Variants in CACNA1H observed in about 807,000 individuals in gnomAD.
The protein encoded by CACNA1H is voltage-dependent T-type calcium channel subunit alpha-1H.
A neutral mutation model predicts 192.5 loss-of-function variants in CACNA1H; 149 were observed. That is an observed-to-expected ratio of 0.77 (90% CI 0.68 to 0.89). CACNA1H has a LOEUF of 0.89. Among genes scored for constraint, CACNA1H ranks in the 40% least tolerant of loss-of-function variants. The probability of loss-of-function intolerance (pLI) is 0.00; values close to 1 mark genes in which losing one functional copy is unlikely to be tolerated. For synonymous variants in CACNA1H, 2,202 were observed against 1,475.2 expected, an observed-to-expected ratio of 1.49 and a Z score of -11.29; for missense variants, 4,257 against 3,423.5, an observed-to-expected ratio of 1.24 and a Z score of -6.08.
rs1163122575 is a variant in CACNA1H at position 1,202,418 on chromosome 16, C to T, written c.1968C>T (p.Pro656=). The T allele has an allele frequency of 4.6e-6, 7 of 1,516,986 alleles. No homozygotes were observed. The highest frequency in any genetic ancestry group is 1.2e-5 in the South Asian group (1 of 80,292). 94.0% of individuals were successfully genotyped at this position (1,516,986 alleles called of 1,614,324 possible). The change falls in exon 9 of 35, where the codon CCC becomes CCT. Residue 656 remains proline, a synonymous_variant. Coordinates refer to ENST00000348261, the MANE Select transcript of CACNA1H (RefSeq NM_021098.3). The stretch of plus-strand genomic sequence containing the variant: ...CGTTGAGCTTGAACAGCCCTGATCC[C>T]TACGAGAAGATCCCGCATGTGGTCG... ...HGPLSLNSPD[P]YEKIPHVVGE...
At chr16:1,155,308 C>A (rs1414606428) in intron 2 of CACNA1H, among the ~76,000 whole-genome samples, 4 of 152,198 alleles carry the variant, frequency 2.6e-5, no homozygotes, top group African/African-American at 9.6e-5. Context: ...CCTCTGTAGC[C>A]TCAGGGTGGT....
Position 1,221,111 on chromosome 16 carries a change from G to A in CACNA1H, c.*117G>A. 1.3e-6 allele frequency: 1 copy of A among 777,656 alleles called. No individual in the cohort carries two copies. Among genetic ancestry groups the A allele is most frequent in the Non-Finnish European group, 2.0e-6 (1 of 501,814 alleles). The allele number at this position is 777,656 out of a possible 1,614,324, so 48.2% of individuals were successfully genotyped here. On this transcript the variant is annotated 3_prime_UTR_variant, in exon 35 of 35. Transcript: ENST00000348261. ...CTTGGGTCCCGTCGTGAGCAGAAAG[G>A]CCCGGGGAGGATGACGGCCCAGGCC...
At position 1,221,578 on chromosome 16, in the gene CACNA1H, C is replaced by T. The variant is rs1970482755; in HGVS notation, c.*584C>T. 4 of 572,958 alleles carry T rather than the reference C, an allele frequency of 7.0e-6. No individual in the cohort carries two copies. Among genetic ancestry groups the T allele is most frequent in the African/African-American group, 3.8e-5 (2 of 52,786 alleles). The allele number at this position is 572,958 out of a possible 1,614,324, so 35.5% of individuals were successfully genotyped here. Reference sequence around the variant, plus strand: ...CTAAGGGGCCGACCCCATGGAGTAACGCGCCCGGCCCCGATGCGAATCAGG... The same window carrying T: ...CTAAGGGGCCGACCCCATGGAGTAATGCGCCCGGCCCCGATGCGAATCAGG... On this transcript the variant is annotated 3_prime_UTR_variant, in exon 35 of 35. Transcript: ENST00000348261.
In CACNA1H at chr16:1,219,894, C is replaced by T. The variant is rs187518736; in HGVS notation, c.6049-87C>T. On this transcript the variant is annotated intron_variant, in intron 34 of 34. Coordinates refer to ENST00000348261, the MANE Select transcript of CACNA1H (RefSeq NM_021098.3). ...CCTGCCCAGTTTGGCCTCTCCAGTA[C>T]CTGGATGGTGAGGGGTCTCCGAGCC... is the stretch of plus-strand genomic sequence containing the variant. 2.1e-4 allele frequency: 231 copies of T among 1,094,364 alleles called. 1 individual carries two copies. The African/African-American group carries it at 3.4e-3, about 16-fold the overall frequency. The allele number at this position is 1,094,364 out of a possible 1,614,324, so 67.8% of individuals were successfully genotyped here.
intron 5 of CACNA1H, 48 bp from the exon 6 acceptor site, chr16:1,198,567 C>A: frequency 6.3e-7 from 1 of 1,599,724 alleles, no homozygotes; most frequent in Non-Finnish European, 8.5e-7. Flanking sequence ...GCCCCGAGGA[C>A]ACTCCTGCAG....
chr16:1,197,471 C>T lies in CACNA1H; in HGVS notation c.644-1144C>T, dbSNP rs868819043. Reference sequence around the variant, plus strand: ...GCCCTAATTGTCGCCAGCAGCCTGGCCTCCTGGGGATCTGCTCCTGTCTCT... The same window carrying T: ...GCCCTAATTGTCGCCAGCAGCCTGGTCTCCTGGGGATCTGCTCCTGTCTCT... On this transcript the variant is annotated intron_variant, in intron 5 of 34. Coordinates refer to ENST00000348261, the MANE Select transcript of CACNA1H (RefSeq NM_021098.3). Among the ~76,000 whole-genome samples, 4 of 152,340 alleles carry T rather than the reference C, an allele frequency of 2.6e-5. No individual in the cohort carries two copies. The South Asian group carries it at 8.3e-4, about 32-fold the overall frequency.
At chr16:1,201,382 G>A (rs1392232050) in intron 8 of CACNA1H, among the ~76,000 whole-genome samples, 1 of 152,146 alleles carries the variant, frequency 6.6e-6, no homozygotes, top group Admixed American at 6.5e-5. Context: ...GTCATCTCAA[G>A]GCCAGATCTG....
intron 2 of CACNA1H, among the ~76,000 whole-genome samples, chr16:1,188,492 C>A (rs976516875): frequency 6.6e-6 from 1 of 152,172 alleles, no homozygotes; most frequent in East Asian, 1.9e-4. Context: ...TCTCCAGCAT[C>A]TTCGGCGCAG....
Position 1,167,043 on chromosome 16 carries a change from A to G in CACNA1H, c.299+13007A>G, listed in dbSNP as rs974006682. On this transcript the variant is annotated intron_variant, in intron 2 of 34. Transcript: ENST00000348261. The surrounding 1 kb of genome is among the most constrained non-coding windows in gnomAD (Gnocchi z 4.2). Reference sequence around the variant, plus strand: ...ACCTGTTGACCCACCTCTCGCCCCCAGCTTTTGGGTCCCTGAGTGGTGGTT... The same window carrying G: ...ACCTGTTGACCCACCTCTCGCCCCCGGCTTTTGGGTCCCTGAGTGGTGGTT... 6.6e-6 allele frequency among the ~76,000 whole-genome samples: 1 copy of G among 152,132 alleles called. No homozygotes were observed. The highest frequency in any genetic ancestry group is 1.5e-5 in the Non-Finnish European group (1 of 68,008).
Position 1,209,090 on chromosome 16 carries a change from G to A in CACNA1H, c.3422G>A (p.Arg1141Gln), listed in dbSNP as rs1002596641. 35 of 1,544,858 alleles carry A rather than the reference G, an allele frequency of 2.3e-5. No individual in the cohort carries two copies. Among genetic ancestry groups the A allele is most frequent in the Admixed American group, 1.8e-4 (9 of 49,116 alleles). ...PWGPSGAWSS[R>Q]RSSWSSLGRA... The stretch of plus-strand genomic sequence containing the variant: ...GGCCCCAGTGGCGCCTGGAGCAGCC[G>A]GCGCTCCAGCTGGAGCAGCCTGGGC... Residue 1141 changes from arginine to glutamine, a missense_variant, in exon 17 of 35, where the codon CGG becomes CAG. Arg to Gln is a conservative substitution (Grantham distance 43, BLOSUM62 1). Transcript: ENST00000348261.
chr16:1,177,678 G>T (rs1965026488), intron 2 of CACNA1H, among the ~76,000 whole-genome samples: 1 of 152,054 alleles, frequency 6.6e-6, no homozygotes, highest in African/African-American at 2.4e-5. Flanking sequence ...CGGTTCTGGA[G>T]GCTGGACGTC....
At chr16:1,157,753 G>A (rs1962620946) in intron 2 of CACNA1H, 1 of 152,326 alleles carries the variant, frequency 6.6e-6, no homozygotes. Flanking sequence ...GGCCCAGGAG[G>A]GCCCAAAGCT....
rs1449301810 is a variant in CACNA1H, at chr16:1,204,045, A to G, written c.2038A>G (p.Ser680Gly). The G allele has an allele frequency of 1.3e-6, 2 of 1,582,502 alleles. No individual in the cohort carries two copies. Among genetic ancestry groups the G allele is most frequent in the African/African-American group, 2.7e-5 (2 of 74,182 alleles). ...GGCCCCTGGCCATCTGTCGGGCCTC[A>G]GTGTGCCCTGCCCCCTGCCCAGCCC... ...GQAPGHLSGL[S>G]VPCPLPSPPA... Residue 680 changes from serine to glycine, a missense_variant, in exon 10 of 35, where the codon AGT becomes GGT. Ser to Gly is a moderately conservative substitution (Grantham distance 56). Coordinates refer to ENST00000348261, the MANE Select transcript of CACNA1H (RefSeq NM_021098.3).
Position 1,207,872 on chromosome 16 carries a change from C to G in CACNA1H, c.3154+12C>G, listed in dbSNP as rs779364761. The G allele has an allele frequency of 6.3e-7, 1 of 1,578,296 alleles. No individual in the cohort carries two copies. The highest frequency in any genetic ancestry group is 1.8e-5 in the Admixed American group (1 of 54,592). On this transcript the variant is annotated intron_variant, in intron 15 of 34. Transcript: ENST00000348261. ...ACTCCAGACCACAGGTGCGTGTGGT[C>G]GGTGGGTGGTCCGGGTTCTGGCGGG... is the stretch of plus-strand genomic sequence containing the variant.
intron 2 of CACNA1H, among the ~76,000 whole-genome samples, chr16:1,184,202 C>G (rs539897282): frequency 3.9e-5 from 6 of 152,390 alleles, no homozygotes; most frequent in African/African-American, 1.4e-4. Flanking sequence ...CTGCCGCATG[C>G]ATGGGGCCCC....
At chr16:1,206,847 T>C (rs1968777604) in intron 12 of CACNA1H, 154 bp from the exon 13 acceptor site, 1 of 580,578 alleles carries the variant, frequency 1.7e-6, no homozygotes, top group Non-Finnish European at 3.1e-6. Context: ...GCTAGAGAGC[T>C]CGGGCGCCCA....
At chr16:1,218,922 C>A in intron 33 of CACNA1H, 48 bp from the exon 34 acceptor site, 1 of 1,539,794 alleles carries the variant, frequency 6.5e-7, no homozygotes, top group Non-Finnish European at 8.8e-7. Context: ...GGCAGCTGGG[C>A]AGGAAGGCAG....
At position 1,207,062 on chromosome 16, in the gene CACNA1H, G is replaced by T. The variant is rs372479526; in HGVS notation, c.2851G>T (p.Val951Leu). 3.1e-6 allele frequency: 5 copies of T among 1,603,112 alleles called. No individual in the cohort carries two copies. In the East Asian group the frequency reaches 9.0e-5, roughly 29 times the overall value. Residue 951 changes from valine to leucine, a missense_variant, in exon 13 of 35, where the codon GTG becomes TTG. Coordinates refer to ENST00000348261, the MANE Select transcript of CACNA1H (RefSeq NM_021098.3). ...FSLKTDTGDTVPDRKNFDSLL... is the reference protein window; with the variant it reads ...FSLKTDTGDTLPDRKNFDSLL... ...CCTGAAGACAGACACCGGAGACACC[G>T]TGCCTGACAGGAAGAACTTCGACTC... is the stretch of plus-strand genomic sequence containing the variant.
intron 2 of CACNA1H, among the ~76,000 whole-genome samples, chr16:1,155,786 G>C (rs1389440019): frequency 6.6e-6 from 1 of 152,192 alleles, no homozygotes; most frequent in Non-Finnish European, 1.5e-5. Flanking sequence ...TTGCGTTGCT[G>C]TGTGCAGGGA....
Sources: allele counts gnomAD v4.1 joint callset (sites outside exome capture counted in the v4.1 genomes callset), GRCh38; gene constraint gnomAD v4.1.1; non-coding constraint Gnocchi (gnomAD v3.1); transcripts MANE v1.5; gene names NCBI Gene and HGNC (gene_info 2026-07-23, HGNC 2026-07-21).